Variants in FAM117B observed in about 807,000 individuals in gnomAD.
FAM117B encodes the protein protein FAM117B.
A neutral mutation model predicts 52.8 loss-of-function variants in FAM117B; 22 were observed. The observed-to-expected ratio is 0.42, with a 90% CI of 0.30 to 0.59. FAM117B has a LOEUF of 0.59. Among genes scored for constraint, FAM117B ranks in the 20% least tolerant of loss-of-function variants. The probability of loss-of-function intolerance (pLI) is 0.22; values close to 1 mark genes in which losing one functional copy is unlikely to be tolerated. For synonymous variants in FAM117B, 309 were observed against 324.1 expected (o/e 0.95, Z 0.50); for missense variants, 678 against 802.6 (o/e 0.84, Z 1.88).
intron 4 of FAM117B, among the ~76,000 whole-genome samples, chr2:202,741,614 G>A (rs1443369823): frequency 2.7e-5 from 4 of 150,792 alleles, no homozygotes; most frequent in African/African-American, 9.8e-5. Context: ...TCGGCTTACT[G>A]CAAGCTCCGC....
At chr2:202,693,733 C>T (rs903072469) in intron 1 of FAM117B, among the ~76,000 whole-genome samples, 8 of 152,100 alleles carry the variant, frequency 5.3e-5, no homozygotes, top group Admixed American at 4.6e-4. Context: ...TAGATCAGGA[C>T]GTGTGTATCT....
intron 2 of FAM117B, among the ~76,000 whole-genome samples, chr2:202,714,446 TTTAG>T (rs1481640044): frequency 2.0e-5 from 3 of 149,564 alleles, no homozygotes; most frequent in African/African-American, 7.7e-5. Context: ...TCCATCTCTA[TTTAG>T]ATCTAATAAT....
At chr2:202,691,360 G>A (rs887541825) in intron 1 of FAM117B, among the ~76,000 whole-genome samples, 5 of 152,042 alleles carry the variant, frequency 3.3e-5, no homozygotes, top group South Asian at 2.1e-4. Flanking sequence ...TGGAGGTTGC[G>A]GTGAGCTGAG....
At position 202,659,950 on chromosome 2, in the gene FAM117B, T is replaced by C. The variant is rs1215480051; in HGVS notation, c.601+24162T>C. 3.9e-5 allele frequency among the ~76,000 whole-genome samples: 6 copies of C among 151,966 alleles called. No homozygotes were observed. The East Asian group carries it at 1.2e-3, about 29-fold the overall frequency. On this transcript the variant is annotated intron_variant, in intron 1 of 7. Coordinates refer to ENST00000392238, the MANE Select transcript of FAM117B (RefSeq NM_173511.4). ...GTGCTCATTTTTTCCCCCACCTTTT[T>C]TTCACTCTTGTTCAGACTGGATAAT... is the stretch of plus-strand genomic sequence containing the variant.
intron 1 of FAM117B, among the ~76,000 whole-genome samples, chr2:202,655,747 A>AGTGTGT (rs1354896296): frequency 2.1e-4 from 28 of 133,252 alleles, no homozygotes; most frequent in African/African-American, 1.1e-3. Flanking sequence ...AGAGAGAGAG[A>AGTGTGT]GAGAGAGAGA....
chr2:202,765,937 T>C lies in FAM117B; in HGVS notation c.*173T>C. 1.5e-6 allele frequency: 1 copy of C among 653,646 alleles called. No homozygotes were observed. Among genetic ancestry groups the C allele is most frequent in the Non-Finnish European group, 2.6e-6 (1 of 387,004 alleles). The allele number at this position is 653,646 out of a possible 1,614,324, so 40.5% of individuals were successfully genotyped here. A position where few individuals can be genotyped will look rare whatever the true frequency, so the allele number is the denominator to read the frequency against. Reference sequence around the variant, plus strand: ...CCCCGTGACGGCTCTGCCCCACTTGTGAACGCCAACCCTCAGTGCTTAGCC... The same window carrying C: ...CCCCGTGACGGCTCTGCCCCACTTGCGAACGCCAACCCTCAGTGCTTAGCC... On this transcript the variant is annotated 3_prime_UTR_variant, in exon 8 of 8. Transcript: ENST00000392238.
chr2:202,691,464 G>A (rs1690621574), intron 1 of FAM117B, among the ~76,000 whole-genome samples: 1 of 150,042 alleles, frequency 6.7e-6, no homozygotes, highest in African/African-American at 2.5e-5. Context: ...ATAATCTTTG[G>A]CGGACTGGTT....
intron 7 of FAM117B, among the ~76,000 whole-genome samples, chr2:202,760,211 T>C (rs149330823): frequency 2.0e-3 from 310 of 152,368 alleles, no homozygotes; most frequent in African/African-American, 7.0e-3. Flanking sequence ...CTTTAGTTGT[T>C]TGCAGAATGT....
At chr2:202,670,757 A>G (rs1472505280) in intron 1 of FAM117B, among the ~76,000 whole-genome samples, 1 of 152,170 alleles carries the variant, frequency 6.6e-6, no homozygotes, top group Non-Finnish European at 1.5e-5. Context: ...CCCATTTCAG[A>G]GTCAGTTACT....
intron 1 of FAM117B, among the ~76,000 whole-genome samples, chr2:202,649,284 T>C (rs1367115586): frequency 2.0e-5 from 3 of 152,162 alleles, no homozygotes; most frequent in Non-Finnish European, 4.4e-5. Flanking sequence ...CCAGAATGTC[T>C]CCTTCCCTCT....
intron 4 of FAM117B, among the ~76,000 whole-genome samples, chr2:202,754,637 C>G (rs1691773599): frequency 6.6e-6 from 1 of 151,768 alleles, no homozygotes; most frequent in Admixed American, 6.6e-5. Context: ...ACCTGTAATC[C>G]CAGCACTTTG....
intron 1 of FAM117B, among the ~76,000 whole-genome samples, chr2:202,690,890 C>A (rs1690610575): frequency 6.6e-6 from 1 of 152,100 alleles, no homozygotes; most frequent in African/African-American, 2.4e-5. Context: ...AATTAGGCAC[C>A]AAATCCTGTC....
At chr2:202,726,031 T>G (rs553987552) in intron 3 of FAM117B, among the ~76,000 whole-genome samples, 8 of 152,332 alleles carry the variant, frequency 5.3e-5, no homozygotes, top group African/African-American at 1.9e-4. Flanking sequence ...TGTGTAGTAC[T>G]TGGGAAGCTC....
chr2:202,639,451 G>A (rs1689734554), intron 1 of FAM117B, among the ~76,000 whole-genome samples: 2 of 152,184 alleles, frequency 1.3e-5, no homozygotes, highest in Non-Finnish European at 2.9e-5. Context: ...TTGTCATTAG[G>A]AACTGAGGTA....
chr2:202,742,725 G>GA (rs1237502395), intron 4 of FAM117B, among the ~76,000 whole-genome samples: 1 of 151,690 alleles, frequency 6.6e-6, no homozygotes, highest in Non-Finnish European at 1.5e-5. Flanking sequence ...TATAAAAACT[G>GA]AAAAAACAGA....
chr2:202,667,887 AGG>A (rs1690229353), intron 1 of FAM117B, among the ~76,000 whole-genome samples: 2 of 151,782 alleles, frequency 1.3e-5, no homozygotes, highest in Non-Finnish European at 2.9e-5. Context: ...TTGAGGTTAT[AGG>A]GTGATAATAG....
chr2:202,683,185 G>A (rs547173921), intron 1 of FAM117B, among the ~76,000 whole-genome samples: 5 of 152,158 alleles, frequency 3.3e-5, no homozygotes, highest in African/African-American at 7.2e-5. Flanking sequence ...AAAATTAGCC[G>A]GGCGTGGTGG....
intron 1 of FAM117B, among the ~76,000 whole-genome samples, chr2:202,667,132 G>A (rs1278568697): frequency 1.3e-5 from 2 of 151,724 alleles, no homozygotes; most frequent in Non-Finnish European, 2.9e-5. Flanking sequence ...ATGGAGTCTT[G>A]CTTTGTCGCC....
chr2:202,669,777 A>C (rs555404973), intron 1 of FAM117B, among the ~76,000 whole-genome samples: 5 of 152,290 alleles, frequency 3.3e-5, no homozygotes, highest in Non-Finnish European at 5.9e-5. Context: ...AAGTTGAAGA[A>C]ATATTAAAGC....
Sources: allele counts gnomAD v4.1 joint callset (sites outside exome capture counted in the v4.1 genomes callset), GRCh38; gene constraint gnomAD v4.1.1; transcripts MANE v1.5; gene names NCBI Gene and HGNC (gene_info 2026-07-23, HGNC 2026-07-21).